IFT140: variants seen among roughly 807,000 people sequenced by gnomAD.
The protein encoded by IFT140 is intraflagellar transport 140.
Under a neutral mutation model 164.6 loss-of-function variants are expected in IFT140, and 133 were observed. That is an observed-to-expected ratio of 0.81 (90% CI 0.70 to 0.93). The LOEUF is 0.93. Ranked by LOEUF, IFT140 falls within the 40% of genes least tolerant of loss-of-function variation. IFT140 has a pLI of 0.00. For synonymous variants in IFT140, 860 were observed against 817.3 expected (o/e 1.05, Z -0.89); for missense variants, 2,045 against 1,972.3 (o/e 1.04, Z -0.70).
chr16:1,597,511 G>A lies in IFT140; in HGVS notation c.369+4859C>T, dbSNP rs373395173. Among the ~76,000 whole-genome samples, 17 of 152,304 alleles carry A rather than the reference G, an allele frequency of 1.1e-4. No homozygotes were observed. The East Asian group carries it at 2.7e-3, about 24-fold the overall frequency. ...TTCAGCTGGTCTGGGCTGATTCCAC[G>A]GGTAACCACAACAGGGTCTCTGGTG... On this transcript the variant is annotated intron_variant, in intron 4 of 30. Transcript: ENST00000426508.
chr16:1,589,463 C>T (rs2035062265), intron 7 of IFT140, 142 bp downstream of exon 7: 5 of 700,210 alleles, frequency 7.1e-6, no homozygotes, highest in South Asian at 3.7e-5. Flanking sequence ...ATAATGACAC[C>T]GCTAGCTACG....
At chr16:1,528,353 G>A (rs555530504) in intron 19 of IFT140, among the ~76,000 whole-genome samples, 9 of 128,860 alleles carry the variant, frequency 7.0e-5, no homozygotes, top group East Asian at 5.3e-4. Context: ...ACGCATGCAC[G>A]CACGTGTGCA....
At chr16:1,556,180 T>C (rs926576429) in intron 19 of IFT140, among the ~76,000 whole-genome samples, 1 of 152,234 alleles carries the variant, frequency 6.6e-6, no homozygotes, top group Non-Finnish European at 1.5e-5. Context: ...AATTCCTGCA[T>C]GATGCTGCAC....
chr16:1,513,713 G>T (rs372101094), intron 30 of IFT140, among the ~76,000 whole-genome samples: 2 of 148,450 alleles, frequency 1.3e-5, no homozygotes, highest in African/African-American at 2.5e-5. Context: ...TTGCTGTGTC[G>T]CCCAGGCTGG....
intron 19 of IFT140, chr16:1,534,581 C>T (rs763045004): frequency 6.3e-7 from 1 of 1,598,068 alleles, no homozygotes; most frequent in Non-Finnish European, 8.5e-7. Flanking sequence ...TTCCTGATGC[C>T]TTCAGCGTGG....
At chr16:1,532,666 A>G (rs2030629515) in intron 19 of IFT140, 1 of 152,274 alleles carries the variant, frequency 6.6e-6, no homozygotes. Flanking sequence ...AACAGTTTGC[A>G]CGGATGTGGG....
At chr16:1,526,491 C>T in intron 20 of IFT140, 128 bp downstream of exon 20, 1 of 1,047,204 alleles carries the variant, frequency 9.5e-7, no homozygotes, top group Non-Finnish European at 1.3e-6. Context: ...TCTCCTGGGT[C>T]ATGCCTCTCG....
At chr16:1,594,630 G>T (rs1410843910) in intron 4 of IFT140, among the ~76,000 whole-genome samples, 10 of 152,210 alleles carry the variant, frequency 6.6e-5, no homozygotes, top group African/African-American at 2.2e-4. Context: ...GGTGCGCTGC[G>T]TGCTCAATCT....
intron 16 of IFT140, among the ~76,000 whole-genome samples, chr16:1,565,800 G>T (rs1356696472): frequency 6.6e-6 from 1 of 152,236 alleles, no homozygotes; most frequent in Non-Finnish European, 1.5e-5. Flanking sequence ...GTTCTCCCCA[G>T]AAGTACATTC....
chr16:1,541,025 C>T (rs2031581830), intron 19 of IFT140: 12 of 985,428 alleles, frequency 1.2e-5, no homozygotes, highest in Non-Finnish European at 1.3e-5. Flanking sequence ...GAGAACATTT[C>T]TCTGCTACAG....
intron 19 of IFT140, among the ~76,000 whole-genome samples, chr16:1,549,412 C>T (rs1045704005): frequency 6.6e-6 from 1 of 152,250 alleles, no homozygotes; most frequent in Non-Finnish European, 1.5e-5. Flanking sequence ...CCAGACGCAC[C>T]CCAGGTGCTT....
At chr16:1,593,657 C>A (rs567040508) in intron 4 of IFT140, among the ~76,000 whole-genome samples, 1 of 152,108 alleles carries the variant, frequency 6.6e-6, no homozygotes, top group Admixed American at 6.5e-5. Context: ...GGATGCCCCT[C>A]CACTGGGATT....
chr16:1,608,911 T>C (rs989719638), intron 2 of IFT140, among the ~76,000 whole-genome samples: 1 of 151,968 alleles, frequency 6.6e-6, no homozygotes, highest in Non-Finnish European at 1.5e-5. Context: ...ATCCCAGCAC[T>C]TTGGGAGGCC....
In IFT140 at chr16:1,563,992, C is replaced by G; in HGVS notation, c.2067+5G>C. ...CTAAACTCAAATACAACAGGCAGAG[C>G]GTACCGCAGGGCCAGCGCGCCCATC... On this transcript the variant is annotated splice_donor_5th_base_variant and intron_variant, in intron 17 of 30. Coordinates refer to ENST00000426508, the MANE Select transcript of IFT140 (RefSeq NM_014714.4). The G allele has an allele frequency of 1.3e-6, 2 of 1,563,740 alleles. 1 individual carries two copies. Among genetic ancestry groups the G allele is most frequent in the South Asian group, 2.3e-5 (2 of 86,754 alleles).
At chr16:1,530,131 ATC>A (rs945496519) in intron 19 of IFT140, among the ~76,000 whole-genome samples, 3 of 126,540 alleles carry the variant, frequency 2.4e-5, no homozygotes, top group Admixed American at 7.5e-5. Flanking sequence ...CACGACGGGA[ATC>A]TTTTTTTTTT....
intron 10 of IFT140, among the ~76,000 whole-genome samples, chr16:1,585,913 G>A (rs1273816250): frequency 6.6e-6 from 1 of 151,934 alleles, no homozygotes; most frequent in Non-Finnish European, 1.5e-5. Flanking sequence ...TGAGGCTACA[G>A]GCGCCCGCCA....
At chr16:1,601,998 T>TC (rs1472977194) in intron 4 of IFT140, among the ~76,000 whole-genome samples, 1 of 152,152 alleles carries the variant, frequency 6.6e-6, no homozygotes, top group African/African-American at 2.4e-5. Flanking sequence ...AGCTGAATCC[T>TC]CCCCCAAAAT....
chr16:1,514,075 A>G (rs981589422), intron 30 of IFT140, among the ~76,000 whole-genome samples: 14 of 151,508 alleles, frequency 9.2e-5, no homozygotes, highest in African/African-American at 2.9e-4. Context: ...AATCAGAATC[A>G]AGATTTTTGT....
chr16:1,554,126 G>T, intron 19 of IFT140: 2 of 1,287,128 alleles, frequency 1.6e-6, no homozygotes, highest in South Asian at 1.2e-5. Flanking sequence ...CGGAAGTGAG[G>T]GAAGACACCA....
Sources: allele counts gnomAD v4.1 joint callset (sites outside exome capture counted in the v4.1 genomes callset), GRCh38; gene constraint gnomAD v4.1.1; transcripts MANE v1.5; gene names NCBI Gene and HGNC (gene_info 2026-07-23, HGNC 2026-07-21).